MGAT5B: variants seen among roughly 807,000 people sequenced by gnomAD.
MGAT5B encodes the protein alpha-1,6-mannosylglycoprotein 6-beta-N-acetylglucosaminyltransferase B.
Under a neutral mutation model 95.1 loss-of-function variants are expected in MGAT5B, and 54 were observed. That is an observed-to-expected ratio of 0.57 (90% confidence interval 0.46 to 0.71). The LOEUF (loss-of-function observed/expected upper bound fraction) is 0.71, where lower values mean the gene tolerates loss of function less well. Among genes scored for constraint, MGAT5B ranks in the 30% least tolerant of loss-of-function variants. MGAT5B has a pLI of 0.00. For synonymous variants in MGAT5B, 464 were observed against 451.0 expected, an observed-to-expected ratio of 1.03 and a Z score of -0.36; for missense variants, 935 against 1,088.6, an observed-to-expected ratio of 0.86 and a Z score of 1.99.
chr17:76,878,542 G>A (rs1322982563), intron 2 of MGAT5B, among the ~76,000 whole-genome samples: 5 of 152,052 alleles, frequency 3.3e-5, no homozygotes, highest in African/African-American at 4.8e-5. Context: ...TGGTGCAATC[G>A]TGGCTCACTG....
chr17:76,930,276 ATGT>A lies in MGAT5B; in HGVS notation c.1292-2366_1292-2364del, dbSNP rs1300418418. On this transcript the variant is annotated intron_variant, in intron 10 of 17. Coordinates refer to ENST00000569840, the MANE Select transcript of MGAT5B (RefSeq NM_001199172.2). The surrounding 1 kb of genome is among the most constrained non-coding windows in gnomAD (Gnocchi z 4.1). The stretch of plus-strand genomic sequence containing the variant: ...CATCATCTCTTCTAAGCTGTACCAG[ATGT>A]TGATTATTACGTCTTGTGGGCCTTG... 3.5e-5 allele frequency among the ~76,000 whole-genome samples: 5 copies of A among 143,976 alleles called. No homozygotes were observed. The East Asian group carries it at 9.5e-4, about 27-fold the overall frequency. The allele number at this position is 143,976 out of a possible 152,430, so 94.5% of individuals were successfully genotyped here. A position where few individuals can be genotyped will look rare whatever the true frequency, so the allele number is the denominator to read the frequency against.
rs570269931 is a variant in MGAT5B at position 76,938,419 on chromosome 17, C to T, written c.1584+276C>T. On this transcript the variant is annotated intron_variant, in intron 13 of 17. Transcript: ENST00000569840. The surrounding 1 kb of genome is among the most constrained non-coding windows in gnomAD (Gnocchi z 4.3). The stretch of plus-strand genomic sequence containing the variant: ...GGGAAGTAGAGTTGGACTGCCCATC[C>T]TCCCCCTTGCAGTACCAGTCCAGCC... Among the ~76,000 whole-genome samples, 49 of 152,352 alleles carry T rather than the reference C, an allele frequency of 3.2e-4. No individual in the cohort carries two copies. The highest frequency in any genetic ancestry group is 1.1e-3 in the African/African-American group (47 of 41,582).
chr17:76,910,566 CAT>C (rs1298721067), intron 8 of MGAT5B, among the ~76,000 whole-genome samples: 1 of 152,270 alleles, frequency 6.6e-6, no homozygotes, highest in Non-Finnish European at 1.5e-5. Context: ...TCCACATACA[CAT>C]GTGCAAATGC....
At chr17:76,902,284 G>A (rs1279123594) in intron 3 of MGAT5B, among the ~76,000 whole-genome samples, 1 of 114,972 alleles carries the variant, frequency 8.7e-6, no homozygotes, top group Non-Finnish European at 1.7e-5. Context: ...GATCACACAT[G>A]CAGTTGTGGG....
rs1031643877 is a variant in MGAT5B, at chr17:76,940,329, C to G, written c.1585-73C>G. On this transcript the variant is annotated intron_variant, in intron 13 of 17. Transcript: ENST00000569840. This position sits in a 1 kb window ranked among gnomAD's most constrained non-coding sequence, Gnocchi z 4.3. ...TGAATATCCCGAAGCCTCACCTTGT[C>G]CCCGGCATCCTGGTGCTTACTGGGC... 6.8e-7 allele frequency: 1 copy of G among 1,479,332 alleles called. No individual in the cohort carries two copies. The highest frequency in any genetic ancestry group is 9.0e-7 in the Non-Finnish European group (1 of 1,112,110). The allele number at this position is 1,479,332 out of a possible 1,614,324, so 91.6% of individuals were successfully genotyped here.
intron 1 of MGAT5B, among the ~76,000 whole-genome samples, chr17:76,871,147 G>A (rs995410464): frequency 6.6e-6 from 1 of 152,152 alleles, no homozygotes; most frequent in Non-Finnish European, 1.5e-5. Flanking sequence ...AGAGACATGA[G>A]TGGGGGAAGT....
intron 3 of MGAT5B, among the ~76,000 whole-genome samples, chr17:76,895,171 T>C (rs1400420616): frequency 1.3e-5 from 2 of 152,100 alleles, no homozygotes; most frequent in Non-Finnish European, 2.9e-5. Flanking sequence ...GAACTGCACA[T>C]GTGAGGGATC....
intron 10 of MGAT5B, 96 bp downstream of exon 10, chr17:76,926,826 T>C (rs961542178): frequency 6.8e-7 from 1 of 1,462,156 alleles, no homozygotes; most frequent in Non-Finnish European, 9.3e-7. Flanking sequence ...CCTCCCTCTC[T>C]TTCCTTCTCC....
intron 3 of MGAT5B, among the ~76,000 whole-genome samples, chr17:76,882,704 CCT>C (rs1491173671): frequency 0.011 from 1,547 of 137,488 alleles, 53 homozygotes; most frequent in African/African-American, 0.041. Flanking sequence ...TTCCACTGCC[CCT>C]TTTTTTTTTT....
At chr17:76,913,888 A>T in intron 8 of MGAT5B, 1 of 424,660 alleles carries the variant, frequency 2.4e-6, no homozygotes, top group Non-Finnish European at 4.8e-6. Context: ...CGGCGGGAGG[A>T]TTGCTTGATT....
rs1025197975 is a variant in MGAT5B, at chr17:76,930,974, TC to T, written c.1292-1667del. Among the ~76,000 whole-genome samples, 29 of 152,146 alleles carry T rather than the reference TC, an allele frequency of 1.9e-4. No individual in the cohort carries two copies. Among genetic ancestry groups the T allele is most frequent in the African/African-American group, 7.0e-4 (29 of 41,432 alleles). ...CTTGGAGGTGGGAATGGGAGGCTTTTCCCCTGTCTCATCCATCTTTGTCCAG... is the reference window on the plus strand; with the variant it reads ...CTTGGAGGTGGGAATGGGAGGCTTTTCCCTGTCTCATCCATCTTTGTCCAG... On this transcript the variant is annotated intron_variant, in intron 10 of 17. Coordinates refer to ENST00000569840, the MANE Select transcript of MGAT5B (RefSeq NM_001199172.2). This position sits in a 1 kb window ranked among gnomAD's most constrained non-coding sequence, Gnocchi z 4.1.
chr17:76,918,483 G>A lies in MGAT5B; in HGVS notation c.1026-6483G>A, dbSNP rs57918776. 0.38 allele frequency among the ~76,000 whole-genome samples: 57,207 copies of A among 152,086 alleles called. 12,288 individuals carry two copies. Among genetic ancestry groups the A allele is most frequent in the East Asian group, 0.7 (3,615 of 5,182 alleles). On this transcript the variant is annotated intron_variant, in intron 8 of 17. Coordinates refer to ENST00000569840, the MANE Select transcript of MGAT5B (RefSeq NM_001199172.2). The surrounding 1 kb of genome is among the most constrained non-coding windows in gnomAD (Gnocchi z 5.1). ...GGGCTGCTTCTGTTGGGTACAGGGA[G>A]GTCAGTCCATCCTGGGCAGGAAGAA...
At position 76,903,872 on chromosome 17, in the gene MGAT5B, G is replaced by T. The variant is rs566686160; in HGVS notation, c.520-380G>T. ...GCAGGTGGATCCCGCCCTGGCTCCAGCCCTGGCCGCCTTGGAGGCTGCTCC... is the reference window on the plus strand; with the variant it reads ...GCAGGTGGATCCCGCCCTGGCTCCATCCCTGGCCGCCTTGGAGGCTGCTCC... On this transcript the variant is annotated intron_variant, in intron 5 of 17. Coordinates refer to ENST00000569840, the MANE Select transcript of MGAT5B (RefSeq NM_001199172.2). Among the ~76,000 whole-genome samples, 3 of 152,344 alleles carry T rather than the reference G, an allele frequency of 2.0e-5. No homozygotes were observed. In the South Asian group the frequency reaches 6.2e-4, roughly 32 times the overall value.
chr17:76,897,942 G>A (rs1401109359), intron 3 of MGAT5B, among the ~76,000 whole-genome samples: 4 of 151,512 alleles, frequency 2.6e-5, no homozygotes, highest in Admixed American at 2.6e-4. Flanking sequence ...TGTAATCCCA[G>A]CTACTCGGGA....
At position 76,940,042 on chromosome 17, in the gene MGAT5B, C is replaced by T. The variant is rs529562562; in HGVS notation, c.1585-360C>T. ...GGTTCCTGGAGGTCTCTTGCAGGTGCGGGCCTGCAGCTTTCTTGGCCTGAA... is the reference window on the plus strand; with the variant it reads ...GGTTCCTGGAGGTCTCTTGCAGGTGTGGGCCTGCAGCTTTCTTGGCCTGAA... On this transcript the variant is annotated intron_variant, in intron 13 of 17. Coordinates refer to ENST00000569840, the MANE Select transcript of MGAT5B (RefSeq NM_001199172.2). This position sits in a 1 kb window ranked among gnomAD's most constrained non-coding sequence, Gnocchi z 4.3. Among the ~76,000 whole-genome samples, 6 of 152,212 alleles carry T rather than the reference C, an allele frequency of 3.9e-5. No individual in the cohort carries two copies. Among genetic ancestry groups the T allele is most frequent in the Admixed American group, 1.3e-4 (2 of 15,282 alleles).
intron 15 of MGAT5B, 106 bp from the exon 16 acceptor site, chr17:76,946,270 C>T (rs1212833466): frequency 2.2e-6 from 2 of 929,436 alleles, no homozygotes; most frequent in Non-Finnish European, 3.2e-6. Context: ...GGGCATGGCA[C>T]AGGATGTGAG....
intron 2 of MGAT5B, among the ~76,000 whole-genome samples, chr17:76,879,182 C>T (rs951556188): frequency 6.6e-6 from 1 of 152,116 alleles, no homozygotes; most frequent in African/African-American, 2.4e-5. Flanking sequence ...CGTGAGGTTT[C>T]TGGGAGGGGG....
At position 76,938,917 on chromosome 17, in the gene MGAT5B, G is replaced by A. The variant is rs1352489964; in HGVS notation, c.1584+774G>A. Among the ~76,000 whole-genome samples, 4 of 151,888 alleles carry A rather than the reference G, an allele frequency of 2.6e-5. No homozygotes were observed. The East Asian group carries it at 7.8e-4, about 30-fold the overall frequency. On this transcript the variant is annotated intron_variant, in intron 13 of 17. Coordinates refer to ENST00000569840, the MANE Select transcript of MGAT5B (RefSeq NM_001199172.2). The surrounding 1 kb of genome is among the most constrained non-coding windows in gnomAD (Gnocchi z 4.3). ...TGGTGTCAATCTCCTGGGCTTAAGC[G>A]ATCCTACCACCTCGGCCTCTCAAAG... is the stretch of plus-strand genomic sequence containing the variant.
rs779412692 is a variant in MGAT5B, at chr17:76,932,707, C to T, written c.1354C>T (p.Arg452Trp). The change falls in exon 11 of 18, where the codon CGG becomes TGG. Residue 452 changes from arginine to tryptophan, a missense_variant. Coordinates refer to ENST00000569840, the MANE Select transcript of MGAT5B (RefSeq NM_001199172.2). ...VSEELNETEK[R>W]LIKGGKASNM... ...CGAGGAGCTCAACGAGACGGAGAAGCGGCTCATCAAAGGCGGCAAGGCCAG... is the reference window on the plus strand; with the variant it reads ...CGAGGAGCTCAACGAGACGGAGAAGTGGCTCATCAAAGGCGGCAAGGCCAG... 2 of 1,613,986 alleles carry T rather than the reference C, an allele frequency of 1.2e-6. No individual in the cohort carries two copies. The highest frequency in any genetic ancestry group is 1.7e-6 in the Non-Finnish European group (2 of 1,179,938).
Sources: gnomAD v4.1 joint callset for allele counts (sites outside exome capture counted in the v4.1 genomes callset) on GRCh38, gnomAD v4.1.1 for gene constraint, Gnocchi (gnomAD v3.1) non-coding constraint, MANE v1.5 for transcripts, NCBI Gene and HGNC (gene_info 2026-07-23, HGNC 2026-07-21) for gene names.